The following USH2A variants were observed in gnomAD, a reference collection of about 807,000 sequenced individuals.
USH2A encodes the protein Usher syndrome 2A (autosomal recessive, mild).
In USH2A, 443 loss-of-function variants were observed where a neutral mutation model predicts 538.9. The ratio of observed to expected loss-of-function variants is 0.82; its 90% CI spans 0.76 to 0.89. The LOEUF (loss-of-function observed/expected upper bound fraction) is 0.89. USH2A is among the 40% of genes least tolerant of loss of function. The probability of loss-of-function intolerance (pLI) is 0.00; values close to 1 mark genes in which losing one functional copy is unlikely to be tolerated. For synonymous variants in USH2A, 2,413 were observed against 2,273.5 expected (o/e 1.06, Z -1.75); for missense variants, 6,633 against 6,324.8 (o/e 1.05, Z -1.65).
At chr1:215,702,875 C>T (rs2102691193) in intron 61 of USH2A, among the ~76,000 whole-genome samples, 1 of 152,044 alleles carries the variant, frequency 6.6e-6, no homozygotes, top group South Asian at 2.1e-4. Flanking sequence ...AGTTGTGATC[C>T]TTTGGAGATA....
chr1:215,936,153 A>G lies in USH2A; in HGVS notation c.7121-1358T>C, dbSNP rs534853122. On this transcript the variant is annotated intron_variant, in intron 37 of 71. Coordinates refer to ENST00000307340, the MANE Select transcript of USH2A (RefSeq NM_206933.4). Reference sequence around the variant, plus strand: ...ACACAAATTCTGCAGATATAGACAAATGAATTAAAAAACACATGATATTGA... The same window carrying G: ...ACACAAATTCTGCAGATATAGACAAGTGAATTAAAAAACACATGATATTGA... Among the ~76,000 whole-genome samples, 28 of 152,138 alleles carry G rather than the reference A, an allele frequency of 1.8e-4. No homozygotes were observed. In the South Asian group the frequency reaches 5.4e-3, roughly 29 times the overall value.
intron 57 of USH2A, 80 bp from the exon 58 acceptor site, chr1:215,758,832 T>A: frequency 6.7e-7 from 1 of 1,482,946 alleles, no homozygotes; most frequent in Non-Finnish European, 9.3e-7. Flanking sequence ...TTTGTATCAA[T>A]TGCTTAGTCC....
chr1:215,760,663 A>G (rs180784781), intron 56 of USH2A, among the ~76,000 whole-genome samples: 1 of 152,300 alleles, frequency 6.6e-6, no homozygotes, highest in Admixed American at 6.5e-5. Context: ...TTGTCCATCT[A>G]TCCATTTTCT....
In USH2A at chr1:215,871,688, T is replaced by C. The variant is rs563517802; in HGVS notation, c.8682-4518A>G. Among the ~76,000 whole-genome samples the C allele has an allele frequency of 5.3e-5, 8 of 152,338 alleles. 1 individual carries two copies. The South Asian group carries it at 1.0e-3, about 20-fold the overall frequency. On this transcript the variant is annotated intron_variant, in intron 43 of 71. Coordinates refer to ENST00000307340, the MANE Select transcript of USH2A (RefSeq NM_206933.4). ...TGTCCACCTGGAGCCATAATGTATA[T>C]AAAATTTTACAGAAATATGTTTTTA...
intron 21 of USH2A, among the ~76,000 whole-genome samples, chr1:216,104,018 C>T (rs965906603): frequency 3.3e-5 from 5 of 151,960 alleles, no homozygotes; most frequent in Non-Finnish European, 7.4e-5. Context: ...TATACCTAGC[C>T]GAATCCAGTC....
intron 61 of USH2A, among the ~76,000 whole-genome samples, chr1:215,719,843 G>A (rs796633667): frequency 1.7e-4 from 26 of 152,138 alleles, no homozygotes; most frequent in African/African-American, 6.3e-4. Flanking sequence ...AGATCCTAAT[G>A]TTGTCTTCAA....
Position 215,912,513 on chromosome 1 carries a change from G to GTATATATATATACATA in USH2A, c.7301-11609_7301-11608insTATGTATATATATATA, listed in dbSNP as rs1491347480. ...TATGTGTATATATATATATATATAC[G>GTATATATATATACATA]TGTATATATATATATATATATATGA... On this transcript the variant is annotated intron_variant, in intron 38 of 71. Coordinates refer to ENST00000307340, the MANE Select transcript of USH2A (RefSeq NM_206933.4). Among the ~76,000 whole-genome samples, 73 of 16,952 alleles carry GTATATATATATACATA rather than the reference G, an allele frequency of 4.3e-3. 2 individuals carry two copies. The highest frequency in any genetic ancestry group is 0.035 in the East Asian group (32 of 904). The allele number at this position is 16,952 out of a possible 152,430, so 11.1% of individuals were successfully genotyped here.
At chr1:215,986,439 G>A (rs980781670) in intron 35 of USH2A, among the ~76,000 whole-genome samples, 10 of 150,580 alleles carry the variant, frequency 6.6e-5, no homozygotes, top group African/African-American at 2.4e-5. Flanking sequence ...GAGCCACCAC[G>A]CCCAGCCACA....
chr1:216,180,403 C>T (rs866129661), intron 20 of USH2A, among the ~76,000 whole-genome samples: 9 of 151,842 alleles, frequency 5.9e-5, no homozygotes, highest in South Asian at 2.1e-4. Context: ...TCTATCTATT[C>T]GATGTATAGA....
At chr1:216,268,690 C>T (rs527467366) in intron 11 of USH2A, among the ~76,000 whole-genome samples, 7 of 152,206 alleles carry the variant, frequency 4.6e-5, no homozygotes, top group African/African-American at 1.7e-4. Flanking sequence ...AGCTATACAG[C>T]CCCTTTTCTG....
chr1:215,912,452 T>TGTATATATATATATATATATATATAC (rs1558157745), intron 38 of USH2A, among the ~76,000 whole-genome samples: 2 of 29,190 alleles, frequency 6.9e-5, no homozygotes, highest in Non-Finnish European at 1.4e-4. Context: ...AGTAGGTATG[T>TGTATATATATATATATATATATATAC]GTATATATAT....
intron 38 of USH2A, among the ~76,000 whole-genome samples, chr1:215,923,863 C>T (rs1666165729): frequency 6.6e-6 from 1 of 151,468 alleles, no homozygotes; most frequent in Non-Finnish European, 1.5e-5. Context: ...CTCCATTCAC[C>T]CACTCATTTT....
At chr1:215,689,810 T>G (rs1658544898) in intron 61 of USH2A, among the ~76,000 whole-genome samples, 1 of 152,170 alleles carries the variant, frequency 6.6e-6, no homozygotes. Flanking sequence ...TGTTTCTCCA[T>G]TCAAACCTCC....
chr1:216,099,090 A>G, intron 21 of USH2A, among the ~76,000 whole-genome samples: 1 of 152,192 alleles, frequency 6.6e-6, no homozygotes, highest in East Asian at 1.9e-4. Flanking sequence ...TAAGTTTAGG[A>G]TACAAGCTTT....
chr1:216,158,426 G>T (rs2033992271), intron 21 of USH2A, among the ~76,000 whole-genome samples: 1 of 151,892 alleles, frequency 6.6e-6, no homozygotes, highest in East Asian at 1.9e-4. Context: ...TAGAGATGAG[G>T]TCTCACTATG....
intron 70 of USH2A, among the ~76,000 whole-genome samples, chr1:215,629,447 C>G (rs528644793): frequency 6.6e-6 from 1 of 152,228 alleles, no homozygotes; most frequent in East Asian, 1.9e-4. Context: ...TGAGAACACT[C>G]CTCCCCCAGA....
chr1:216,336,229 CAACT>C (rs1377100710), intron 4 of USH2A, among the ~76,000 whole-genome samples: 1 of 151,196 alleles, frequency 6.6e-6, no homozygotes, highest in Non-Finnish European at 1.5e-5. Flanking sequence ...TTTTAAAAAG[CAACT>C]AACTATTAAA....
chr1:216,385,976 A>G (rs985839381), intron 3 of USH2A, among the ~76,000 whole-genome samples: 3 of 152,162 alleles, frequency 2.0e-5, no homozygotes, highest in Non-Finnish European at 4.4e-5. Flanking sequence ...AGAAATCACA[A>G]CTTTCAGCAG....
chr1:216,226,890 T>A (rs1386755815), intron 14 of USH2A, among the ~76,000 whole-genome samples: 3 of 152,210 alleles, frequency 2.0e-5, no homozygotes, highest in Non-Finnish European at 4.4e-5. Context: ...CACTGTCTTC[T>A]AGCTTACCTA....
Sources: gnomAD v4.1 joint callset for allele counts (sites outside exome capture counted in the v4.1 genomes callset) on GRCh38, gnomAD v4.1.1 for gene constraint, MANE v1.5 for transcripts, NCBI Gene and HGNC (gene_info 2026-07-23, HGNC 2026-07-21) for gene names.